Variants in ZNF148 observed in about 807,000 individuals in gnomAD.
The protein encoded by ZNF148 is zinc finger protein 148.
Under a neutral mutation model 67.7 loss-of-function variants are expected in ZNF148, and 7 were observed. The ratio of observed to expected loss-of-function variants is 0.10; its 90% CI spans 0.06 to 0.19. The LOEUF (loss-of-function observed/expected upper bound fraction) is 0.19, where lower values mean the gene tolerates loss of function less well. Among genes scored for constraint, ZNF148 ranks in the 10% least tolerant of loss-of-function variants. The pLI is 1.00. For missense variants in ZNF148, 583 were observed against 947.1 expected (o/e 0.62, Z 5.05); for synonymous variants, 333 against 330.7 (o/e 1.01, Z -0.08).
chr3:125,360,404 GC>G (rs1942499369), intron 1 of ZNF148, among the ~76,000 whole-genome samples: 1 of 151,984 alleles, frequency 6.6e-6, no homozygotes, highest in Admixed American at 6.6e-5. Context: ...TCCCACCTCA[GC>G]CTCCTGAGTA....
At chr3:125,326,632 T>A (rs1941029097) in intron 2 of ZNF148, among the ~76,000 whole-genome samples, 1 of 149,416 alleles carries the variant, frequency 6.7e-6, no homozygotes, top group Non-Finnish European at 1.5e-5. Context: ...AAGGATCATA[T>A]CATATATAAA....
chr3:125,274,382 TAGC>T (rs1353124438), intron 7 of ZNF148, among the ~76,000 whole-genome samples: 1 of 152,090 alleles, frequency 6.6e-6, no homozygotes, highest in African/African-American at 2.4e-5. Flanking sequence ...CTGCCAAAAA[TAGC>T]AGTCCTGAGG....
chr3:125,296,124 CTT>C (rs777081088), intron 4 of ZNF148, among the ~76,000 whole-genome samples: 18 of 141,096 alleles, frequency 1.3e-4, no homozygotes, highest in African/African-American at 1.0e-4. Flanking sequence ...TCTAAAGATT[CTT>C]TTTTTTTTTT....
intron 7 of ZNF148, among the ~76,000 whole-genome samples, chr3:125,258,466 G>A (rs1291091170): frequency 7.2e-6 from 1 of 138,744 alleles, no homozygotes; most frequent in African/African-American, 2.7e-5. Context: ...ATCTTCCTAT[G>A]TTACCCAGGC....
rs1465764958 is a variant in ZNF148, at chr3:125,375,272, C to CTCCTCCTCT, written c.-413_-405dup. The CTCCTCCTCT allele has an allele frequency of 5.2e-5, 8 of 154,392 alleles. No homozygotes were observed. Among genetic ancestry groups the CTCCTCCTCT allele is most frequent in the Non-Finnish European group, 7.2e-5 (5 of 69,620 alleles). The allele number at this position is 154,392 out of a possible 1,614,324, so 9.6% of individuals were successfully genotyped here. On this transcript the variant is annotated 5_prime_UTR_variant, in exon 1 of 9. Transcript: ENST00000360647. ...TCTCCTCTTCCTCCCCCTCCTCCTC[C>CTCCTCCTCT]TCCTCCTCTTCCTCCTTCTCTTCCT...
Position 125,330,465 on chromosome 3 carries a change from C to CAAAA in ZNF148, c.-153+689_-153+692dup, listed in dbSNP as rs200643048. On this transcript the variant is annotated intron_variant, in intron 2 of 8. Transcript: ENST00000360647. The stretch of plus-strand genomic sequence containing the variant: ...TGGGCAACAGGGCAAAACCCTATCT[C>CAAAA]AAAAAAAAAAAAAAAAAAAAAAAAA... Among the ~76,000 whole-genome samples the CAAAA allele has an allele frequency of 2.6e-3, 307 of 118,410 alleles. 8 individuals carry two copies. The highest frequency in any genetic ancestry group is 0.012 in the African/African-American group (289 of 24,222). 77.7% of individuals were successfully genotyped at this position (118,410 alleles called of 152,430 possible).
Position 125,352,849 on chromosome 3 carries a change from A to T in ZNF148, c.-233-21611T>A, listed in dbSNP as rs554444974. Among the ~76,000 whole-genome samples, 375 of 152,246 alleles carry T rather than the reference A, an allele frequency of 2.5e-3. 2 individuals carry two copies. Among genetic ancestry groups the T allele is most frequent in the African/African-American group, 8.7e-3 (362 of 41,560 alleles). On this transcript the variant is annotated intron_variant, in intron 1 of 8. Transcript: ENST00000360647. Reference sequence around the variant, plus strand: ...AGAATGAAGTGAGAGGAGGCACTCTACTCGATAAGACTCACTATAAAGCTA... The same window carrying T: ...AGAATGAAGTGAGAGGAGGCACTCTTCTCGATAAGACTCACTATAAAGCTA...
At chr3:125,350,302 A>G (rs1161047840) in intron 1 of ZNF148, among the ~76,000 whole-genome samples, 2 of 152,094 alleles carry the variant, frequency 1.3e-5, no homozygotes, top group Admixed American at 6.5e-5. Context: ...CTGAGACTAC[A>G]GGCATGTGTC....
intron 7 of ZNF148, among the ~76,000 whole-genome samples, chr3:125,257,729 T>C (rs1937151135): frequency 6.6e-6 from 1 of 152,192 alleles, no homozygotes; most frequent in Non-Finnish European, 1.5e-5. Flanking sequence ...AAAATTTTTA[T>C]TTTTAATAAA....
chr3:125,289,154 A>T (rs1287826876), intron 4 of ZNF148, among the ~76,000 whole-genome samples: 1 of 152,208 alleles, frequency 6.6e-6, no homozygotes. Context: ...AAATACAGTA[A>T]AGATCCTTGA....
chr3:125,358,754 A>C lies in ZNF148; in HGVS notation c.-234+16348T>G, dbSNP rs143693993. The stretch of plus-strand genomic sequence containing the variant: ...TAATATTATATGTATCTACACATAC[A>C]GGTGTGTACATATGACAAGTACACA... On this transcript the variant is annotated intron_variant, in intron 1 of 8. Transcript: ENST00000360647. Among the ~76,000 whole-genome samples, 381 of 152,352 alleles carry C rather than the reference A, an allele frequency of 2.5e-3. 1 individual carries two copies. Among genetic ancestry groups the C allele is most frequent in the African/African-American group, 6.0e-3 (249 of 41,582 alleles).
rs575958740 is a variant in ZNF148, at chr3:125,353,959, G to C, written c.-234+21143C>G. Among the ~76,000 whole-genome samples the C allele has an allele frequency of 5.3e-5, 8 of 152,182 alleles. No homozygotes were observed. The East Asian group carries it at 1.4e-3, about 26-fold the overall frequency. On this transcript the variant is annotated intron_variant, in intron 1 of 8. Coordinates refer to ENST00000360647, the MANE Select transcript of ZNF148 (RefSeq NM_021964.3). ...GAGAGAGGGGTAAGGTGGAGGTACA[G>C]ATGACATAAGCTTAGCCATTAATTG...
chr3:125,335,872 T>A (rs958435952), intron 1 of ZNF148, among the ~76,000 whole-genome samples: 2 of 152,210 alleles, frequency 1.3e-5, no homozygotes, highest in South Asian at 4.1e-4. Flanking sequence ...TTAACTGTCA[T>A]CTTTGCCTAG....
chr3:125,234,548 T>C (rs565831094), intron 7 of ZNF148, among the ~76,000 whole-genome samples: 2 of 152,340 alleles, frequency 1.3e-5, no homozygotes, highest in Admixed American at 6.5e-5. Flanking sequence ...CTTTTTGTTA[T>C]GTGCGTATGT....
chr3:125,325,767 C>A (rs957442221), intron 2 of ZNF148, among the ~76,000 whole-genome samples: 7 of 152,128 alleles, frequency 4.6e-5, no homozygotes, highest in African/African-American at 1.7e-4. Context: ...AGCCACCACA[C>A]CTGGCCCCAA....
At chr3:125,276,858 T>C (rs941298715) in intron 7 of ZNF148, among the ~76,000 whole-genome samples, 1 of 152,180 alleles carries the variant, frequency 6.6e-6, no homozygotes, top group African/African-American at 2.4e-5. Context: ...CTTTCACAAA[T>C]ACTGCAGGTC....
intron 2 of ZNF148, among the ~76,000 whole-genome samples, chr3:125,330,208 T>C (rs1941224824): frequency 6.6e-6 from 1 of 152,188 alleles, no homozygotes; most frequent in Non-Finnish European, 1.5e-5. Context: ...CTCAGGTCTA[T>C]AATCCCAGCA....
chr3:125,360,616 CTTTT>C (rs1273199358), intron 1 of ZNF148, among the ~76,000 whole-genome samples: 1 of 152,050 alleles, frequency 6.6e-6, no homozygotes, highest in Non-Finnish European at 1.5e-5. Flanking sequence ...TCCACCTCAT[CTTTT>C]GTTTCCAATG....
chr3:125,289,418 C>T (rs905073016), intron 4 of ZNF148, among the ~76,000 whole-genome samples: 18 of 152,160 alleles, frequency 1.2e-4, no homozygotes, highest in Non-Finnish European at 1.9e-4. Flanking sequence ...GGCACAAAAA[C>T]ATGATGTAAA....
Sources: allele counts gnomAD v4.1 joint callset (sites outside exome capture counted in the v4.1 genomes callset), GRCh38; gene constraint gnomAD v4.1.1; transcripts MANE v1.5; gene names NCBI Gene and HGNC (gene_info 2026-07-23, HGNC 2026-07-21).